The following NARS2 variants were observed in gnomAD, a reference collection of about 807,000 sequenced individuals.
The protein encoded by NARS2 is asparaginyl-tRNA synthetase 2, mitochondrial.
NARS2 carries 60 observed loss-of-function variants against 62.9 expected under a neutral mutation model. That is an observed-to-expected ratio of 0.95 (90% CI 0.77 to 1.18). The LOEUF (loss-of-function observed/expected upper bound fraction) is 1.18. Among genes scored for constraint, NARS2 ranks in the 50% most tolerant of loss-of-function variants. The pLI is 0.00. For synonymous variants in NARS2, 196 were observed against 200.0 expected (o/e 0.98, Z 0.17); for missense variants, 619 against 576.4 (o/e 1.07, Z -0.76).
At chr11:78,531,761 T>C (rs1454441561) in intron 5 of NARS2, among the ~76,000 whole-genome samples, 1 of 152,156 alleles carries the variant, frequency 6.6e-6, no homozygotes, top group Non-Finnish European at 1.5e-5. Flanking sequence ...AATGAAAACA[T>C]GCTAAGTGAA....
chr11:78,441,247 T>C, intron 12 of NARS2, 130 bp from the exon 13 acceptor site: 1 of 715,058 alleles, frequency 1.4e-6, no homozygotes, highest in Non-Finnish European at 2.3e-6. Context: ...TGCTCTCAAG[T>C]AATACTCAAT....
chr11:78,455,163 CCTCT>C (rs1188840476), intron 11 of NARS2, among the ~76,000 whole-genome samples: 2 of 152,158 alleles, frequency 1.3e-5, no homozygotes, highest in Admixed American at 1.3e-4. Context: ...ACATACAATG[CCTCT>C]CTGTTTTTTA....
intron 5 of NARS2, chr11:78,558,642 T>G (rs977136851): frequency 5.3e-5 from 8 of 152,212 alleles, no homozygotes; most frequent in African/African-American, 1.7e-4. Context: ...GGCTTTCGAC[T>G]GCCTCCAATA....
intron 9 of NARS2, among the ~76,000 whole-genome samples, chr11:78,476,719 C>T (rs1217011732): frequency 6.6e-6 from 1 of 152,054 alleles, no homozygotes; most frequent in African/African-American, 2.4e-5. Context: ...ATGACAATGA[C>T]AATGATTGAA....
intron 7 of NARS2, among the ~76,000 whole-genome samples, chr11:78,492,366 T>C (rs991620675): frequency 3.9e-5 from 6 of 152,212 alleles, no homozygotes; most frequent in African/African-American, 1.2e-4. Context: ...CTCTCTACTT[T>C]TATCTACCTC....
At chr11:78,529,690 C>T (rs145238553) in intron 5 of NARS2, among the ~76,000 whole-genome samples, 2,683 of 152,262 alleles carry the variant, frequency 0.018, 37 homozygotes, top group Non-Finnish European at 0.026. Flanking sequence ...AAGAAAGTTA[C>T]ACTTGTTTTT....
intron 13 of NARS2, 66 bp downstream of exon 13, chr11:78,441,023 TAA>T: frequency 6.9e-7 from 1 of 1,454,716 alleles, no homozygotes; most frequent in Non-Finnish European, 9.6e-7. Context: ...GGGATACAAG[TAA>T]AAACGCTTCT....
chr11:78,466,650 T>A (rs916965520), intron 10 of NARS2, among the ~76,000 whole-genome samples: 2 of 152,114 alleles, frequency 1.3e-5, no homozygotes, highest in Non-Finnish European at 2.9e-5. Flanking sequence ...CCGGCTATTT[T>A]TTTTGTATTT....
rs541912933 is a variant in NARS2 at position 78,553,291 on chromosome 11, T to C, written c.594+6248A>G. Among the ~76,000 whole-genome samples the C allele has an allele frequency of 1.2e-3, 180 of 151,320 alleles. 2 individuals carry two copies. Among genetic ancestry groups the C allele is most frequent in the Non-Finnish European group, 1.6e-3 (110 of 67,752 alleles). On this transcript the variant is annotated intron_variant, in intron 5 of 13. Transcript: ENST00000281038. ...CTGTTCATGTCCTTTGCACCCCCCC[T>C]TTTTTTTTCTTTTTTGAGACAAAAT... is the stretch of plus-strand genomic sequence containing the variant.
chr11:78,465,215 C>T (rs995708381), intron 11 of NARS2, among the ~76,000 whole-genome samples: 1 of 152,252 alleles, frequency 6.6e-6, no homozygotes, highest in African/African-American at 2.4e-5. Context: ...CCCGCCGAGC[C>T]CACACCCACC....
chr11:78,452,562 C>T (rs1266718052), intron 11 of NARS2, among the ~76,000 whole-genome samples: 1 of 152,082 alleles, frequency 6.6e-6, no homozygotes, highest in African/African-American at 2.4e-5. Flanking sequence ...GCACAGGTTA[C>T]CACACCAGGT....
At chr11:78,537,400 T>C (rs1477831840) in intron 5 of NARS2, among the ~76,000 whole-genome samples, 5 of 152,224 alleles carry the variant, frequency 3.3e-5, no homozygotes, top group Admixed American at 6.5e-5. Flanking sequence ...AGGGTACAAC[T>C]TGATCTTTAC....
chr11:78,549,226 C>T (rs1855996187), intron 5 of NARS2, among the ~76,000 whole-genome samples: 2 of 152,172 alleles, frequency 1.3e-5, no homozygotes, highest in South Asian at 4.1e-4. Context: ...GGGTTCCATG[C>T]CAGGAGAGAC....
intron 11 of NARS2, among the ~76,000 whole-genome samples, chr11:78,446,505 C>T (rs983611681): frequency 1.3e-5 from 2 of 152,128 alleles, no homozygotes; most frequent in South Asian, 2.1e-4. Flanking sequence ...TTGAGAGACA[C>T]ATGGTAAAAA....
intron 2 of NARS2, 50 bp downstream of exon 2, chr11:78,571,285 T>C: frequency 8.5e-7 from 1 of 1,182,028 alleles, no homozygotes; most frequent in Non-Finnish European, 1.3e-6. Context: ...TGAGAAGCAC[T>C]AGAGGTGAAA....
At chr11:78,454,589 A>C (rs1858088375) in intron 11 of NARS2, among the ~76,000 whole-genome samples, 1 of 151,734 alleles carries the variant, frequency 6.6e-6, no homozygotes, top group Middle Eastern at 3.4e-3. Context: ...GAGCCAAATA[A>C]AACTCTTTGT....
rs1277033125 is a variant in NARS2 at position 78,473,243 on chromosome 11, C to T, written c.960-3930G>A. Among the ~76,000 whole-genome samples the T allele has an allele frequency of 3.9e-5, 6 of 152,222 alleles. No individual in the cohort carries two copies. The East Asian group carries it at 1.2e-3, about 29-fold the overall frequency. On this transcript the variant is annotated intron_variant, in intron 9 of 13. Coordinates refer to ENST00000281038, the MANE Select transcript of NARS2 (RefSeq NM_024678.6). The stretch of plus-strand genomic sequence containing the variant: ...ACAAAAGGACTAACATTTCAACTAT[C>T]AACGTGCCTCTCCAGTTTTACAAGT...
intron 5 of NARS2, among the ~76,000 whole-genome samples, chr11:78,537,900 T>TC (rs1202270171): frequency 6.6e-6 from 1 of 152,226 alleles, no homozygotes; most frequent in Non-Finnish European, 1.5e-5. Context: ...CATAGTAGTC[T>TC]CCCCTTATCC....
chr11:78,517,709 G>A (rs903922518), intron 6 of NARS2, among the ~76,000 whole-genome samples: 1 of 152,086 alleles, frequency 6.6e-6, no homozygotes, highest in African/African-American at 2.4e-5. Flanking sequence ...TTAACCCAGG[G>A]AAGCTAAATA....
Sources: gnomAD v4.1 joint callset for allele counts (sites outside exome capture counted in the v4.1 genomes callset) on GRCh38, gnomAD v4.1.1 for gene constraint, MANE v1.5 for transcripts, NCBI Gene and HGNC (gene_info 2026-07-23, HGNC 2026-07-21) for gene names.